The following WDR70 variants were observed in gnomAD, a reference collection of about 807,000 sequenced individuals.
WDR70 encodes WD repeat domain 70.
WDR70 carries 53 observed loss-of-function variants against 88.6 expected under a neutral mutation model. The ratio of observed to expected loss-of-function variants is 0.60; its 90% CI spans 0.48 to 0.75. WDR70 has a LOEUF of 0.75. Among genes scored for constraint, WDR70 ranks in the 30% least tolerant of loss-of-function variants. The pLI is 0.00. For synonymous variants in WDR70, 280 were observed against 270.0 expected (o/e 1.04, Z -0.36); for missense variants, 610 against 823.2 (o/e 0.74, Z 3.17).
intron 5 of WDR70, among the ~76,000 whole-genome samples, chr5:37,411,092 T>C (rs770523491): frequency 1.3e-5 from 2 of 152,146 alleles, no homozygotes; most frequent in Non-Finnish European, 2.9e-5. Context: ...TTCTAAAAAG[T>C]GTGATTGTTT....
chr5:37,650,404 A>C lies in WDR70; in HGVS notation c.1092+45166A>C, dbSNP rs1745369615. On this transcript the variant is annotated intron_variant, in intron 10 of 17. Coordinates refer to ENST00000265107, the MANE Select transcript of WDR70 (RefSeq NM_018034.4). ...CGACAGAGTGAGAGTCCGTCAAAAAAAAGAAAGAGAAAGAAAAAGAAAGTA... is the reference window on the plus strand; with the variant it reads ...CGACAGAGTGAGAGTCCGTCAAAAACAAGAAAGAGAAAGAAAAAGAAAGTA... 2.0e-5 allele frequency among the ~76,000 whole-genome samples: 3 copies of C among 152,118 alleles called. No homozygotes were observed. The South Asian group carries it at 6.2e-4, about 32-fold the overall frequency.
intron 5 of WDR70, among the ~76,000 whole-genome samples, chr5:37,411,450 A>ACT (rs1749521504): frequency 6.6e-6 from 1 of 151,584 alleles, no homozygotes; most frequent in Non-Finnish European, 1.5e-5. Flanking sequence ...TTTTGGCCAG[A>ACT]TGCAGTGGCT....
intron 7 of WDR70, among the ~76,000 whole-genome samples, chr5:37,445,164 A>G (rs1056551736): frequency 2.0e-5 from 3 of 152,172 alleles, no homozygotes; most frequent in African/African-American, 4.8e-5. Context: ...GATGGCATGT[A>G]TTGTCTAGCT....
chr5:37,445,839 A>C (rs1738452916), intron 7 of WDR70, among the ~76,000 whole-genome samples: 1 of 152,216 alleles, frequency 6.6e-6, no homozygotes, highest in Non-Finnish European at 1.5e-5. Flanking sequence ...TATAATACTG[A>C]ATGGGCAATA....
intron 10 of WDR70, among the ~76,000 whole-genome samples, chr5:37,627,034 G>A (rs144989246): frequency 4.0e-5 from 6 of 151,606 alleles, no homozygotes; most frequent in African/African-American, 9.7e-5. Flanking sequence ...TTTCACTAAC[G>A]TTTTGTTGAT....
chr5:37,576,077 ACTTC>A (rs1340858135), intron 9 of WDR70, among the ~76,000 whole-genome samples: 42 of 121,040 alleles, frequency 3.5e-4, no homozygotes, highest in African/African-American at 6.9e-4. Flanking sequence ...TTCCTTCCTA[ACTTC>A]CTTCCTTCCT....
chr5:37,676,614 T>C (rs1180253637), intron 10 of WDR70, among the ~76,000 whole-genome samples: 3 of 151,558 alleles, frequency 2.0e-5, no homozygotes, highest in Admixed American at 6.6e-5. Context: ...AGCTTTTTGA[T>C]GTGCTGCTGG....
At chr5:37,450,246 C>G (rs1738633098) in intron 7 of WDR70, among the ~76,000 whole-genome samples, 1 of 152,042 alleles carries the variant, frequency 6.6e-6, no homozygotes. Context: ...GATTTATAAT[C>G]CTTTGGGTAT....
chr5:37,683,481 G>T (rs1746497964), intron 10 of WDR70, among the ~76,000 whole-genome samples: 1 of 152,154 alleles, frequency 6.6e-6, no homozygotes, highest in Non-Finnish European at 1.5e-5. Context: ...GGCTGTTAAT[G>T]GTCTTTCCTT....
chr5:37,490,050 A>G (rs375109865), intron 8 of WDR70, among the ~76,000 whole-genome samples: 2 of 151,938 alleles, frequency 1.3e-5, no homozygotes, highest in East Asian at 1.9e-4. Flanking sequence ...AGGCCTTCAG[A>G]TGGCGTGCTA....
rs904670667 is a variant in WDR70, at chr5:37,396,689, G to A, written c.492+119G>A. ...AATTTAAAAACTGAGGAAAGGCCGG[G>A]CATGGTGGCTTAACACCTGTAATCC... On this transcript the variant is annotated intron_variant, in intron 5 of 17. Transcript: ENST00000265107. 4.4e-5 allele frequency: 62 copies of A among 1,417,490 alleles called. No homozygotes were observed. The Admixed American group carries it at 4.5e-4, about 10-fold the overall frequency. 87.8% of individuals were successfully genotyped at this position (1,417,490 alleles called of 1,614,324 possible). A position where few individuals can be genotyped will look rare whatever the true frequency, so the allele number is the denominator to read the frequency against.
intron 10 of WDR70, among the ~76,000 whole-genome samples, chr5:37,676,445 G>A (rs1429949811): frequency 6.6e-6 from 1 of 152,136 alleles, no homozygotes; most frequent in Non-Finnish European, 1.5e-5. Flanking sequence ...TTAGCATGAA[G>A]GGTGTTGAAT....
At position 37,645,173 on chromosome 5, in the gene WDR70, T is replaced by C. The variant is rs182898710; in HGVS notation, c.1092+39935T>C. On this transcript the variant is annotated intron_variant, in intron 10 of 17. Coordinates refer to ENST00000265107, the MANE Select transcript of WDR70 (RefSeq NM_018034.4). ...TCCCATAGGATTTGGCATGTTATAT[T>C]TCTGGTACCATTTTTTTTTTTCAAG... Among the ~76,000 whole-genome samples the C allele has an allele frequency of 3.9e-4, 60 of 152,060 alleles. 1 individual carries two copies. Among genetic ancestry groups the C allele is most frequent in the South Asian group, 1.0e-3 (5 of 4,820 alleles).
chr5:37,528,777 G>C (rs1365029753), intron 9 of WDR70, among the ~76,000 whole-genome samples: 1 of 152,128 alleles, frequency 6.6e-6, no homozygotes, highest in East Asian at 1.9e-4. Context: ...TGTTAACTCT[G>C]CTGATTATTT....
chr5:37,558,440 T>A lies in WDR70; in HGVS notation c.917+41850T>A, dbSNP rs569371646. Reference sequence around the variant, plus strand: ...CTCAAGTGATTCTCCCACTTGGGCCTCTCAGGTAGCTGGGACTATAGGTGC... The same window carrying A: ...CTCAAGTGATTCTCCCACTTGGGCCACTCAGGTAGCTGGGACTATAGGTGC... On this transcript the variant is annotated intron_variant, in intron 9 of 17. Transcript: ENST00000265107. 9.9e-5 allele frequency among the ~76,000 whole-genome samples: 15 copies of A among 152,218 alleles called. No homozygotes were observed. The East Asian group carries it at 2.9e-3, about 29-fold the overall frequency.
chr5:37,686,026 G>A (rs1184761022), intron 10 of WDR70, among the ~76,000 whole-genome samples: 4 of 152,202 alleles, frequency 2.6e-5, no homozygotes, highest in African/African-American at 9.6e-5. Flanking sequence ...CCGGCTGCAT[G>A]TAGTCAGCTG....
At chr5:37,604,671 A>G (rs1209624808) in intron 9 of WDR70, among the ~76,000 whole-genome samples, 1 of 152,234 alleles carries the variant, frequency 6.6e-6, no homozygotes, top group Non-Finnish European at 1.5e-5. Context: ...TATGTTAAAA[A>G]CAGTGCATTA....
chr5:37,571,452 A>G (rs2112404881), intron 9 of WDR70, among the ~76,000 whole-genome samples: 1 of 152,302 alleles, frequency 6.6e-6, no homozygotes, highest in African/African-American at 2.4e-5. Flanking sequence ...TGTTGCCTAG[A>G]TGTTGGAATA....
intron 10 of WDR70, among the ~76,000 whole-genome samples, chr5:37,659,364 A>C (rs1237371350): frequency 3.9e-5 from 6 of 152,150 alleles, no homozygotes; most frequent in African/African-American, 1.4e-4. Flanking sequence ...ATTCTTGAAA[A>C]TAGTATTTTT....
Sources: gnomAD v4.1 joint callset for allele counts (sites outside exome capture counted in the v4.1 genomes callset) on GRCh38, gnomAD v4.1.1 for gene constraint, MANE v1.5 for transcripts, NCBI Gene and HGNC (gene_info 2026-07-23, HGNC 2026-07-21) for gene names.